Variants in SUPT3H observed in about 807,000 individuals in gnomAD.
SUPT3H encodes the protein SPT3 homolog, SAGA and STAGA complex component.
Under a neutral mutation model 44.3 loss-of-function variants are expected in SUPT3H, and 44 were observed. That is an observed-to-expected ratio of 0.99 (90% CI 0.78 to 1.28). The LOEUF (loss-of-function observed/expected upper bound fraction) is 1.28. Ranked by LOEUF, SUPT3H falls within the 50% of genes most tolerant of loss-of-function variation. SUPT3H has a pLI of 0.00. For missense variants in SUPT3H, 380 were observed against 387.1 expected (o/e 0.98, Z 0.15); for synonymous variants, 124 against 125.6 (o/e 0.99, Z 0.09).
intron 2 of SUPT3H, among the ~76,000 whole-genome samples, chr6:45,323,789 A>T (rs546575412): frequency 4.1e-4 from 62 of 152,194 alleles, no homozygotes; most frequent in Non-Finnish European, 6.9e-4. Context: ...ATTATAGGAC[A>T]GTTTTACCTA....
At chr6:44,925,210 G>T (rs1008838970) in intron 10 of SUPT3H, among the ~76,000 whole-genome samples, 2 of 152,096 alleles carry the variant, frequency 1.3e-5, no homozygotes, top group African/African-American at 2.4e-5. Flanking sequence ...TGAGAGTCAG[G>T]AGGCTGGATT....
In SUPT3H at chr6:44,940,024, A is replaced by AT. The variant is rs369836316; in HGVS notation, c.802-7262dup. 9.0e-3 allele frequency among the ~76,000 whole-genome samples: 1,335 copies of AT among 148,408 alleles called. 24 individuals carry two copies. The highest frequency in any genetic ancestry group is 0.031 in the African/African-American group (1,244 of 40,426). On this transcript the variant is annotated intron_variant, in intron 9 of 10. Transcript: ENST00000371459. ...ACTTTTAATTTCCTTGATCTTTTGT[A>AT]TTTTTTTTTGTCTTTATTTTTATTT...
At chr6:45,158,299 T>TATATATATATATA (rs1491302388) in intron 2 of SUPT3H, among the ~76,000 whole-genome samples, 117 of 13,370 alleles carry the variant, frequency 8.8e-3, no homozygotes, top group African/African-American at 0.026. Flanking sequence ...TATATATATA[T>TATATATATATATA]TTTTTTTTTT....
At chr6:44,883,683 G>A (rs1297744670) in intron 10 of SUPT3H, among the ~76,000 whole-genome samples, 1 of 152,086 alleles carries the variant, frequency 6.6e-6, no homozygotes, top group African/African-American at 2.4e-5. Flanking sequence ...ACAGACCAAT[G>A]GAACAGAACA....
At chr6:44,878,967 G>GGCC (rs1256557885) in intron 10 of SUPT3H, among the ~76,000 whole-genome samples, 1 of 152,072 alleles carries the variant, frequency 6.6e-6, no homozygotes, top group Non-Finnish European at 1.5e-5. Context: ...ACATCACCAG[G>GGCC]GCCCTGGGTT....
At chr6:45,125,386 T>C (rs1456045972) in intron 2 of SUPT3H, among the ~76,000 whole-genome samples, 2 of 152,182 alleles carry the variant, frequency 1.3e-5, no homozygotes, top group African/African-American at 4.8e-5. Flanking sequence ...TCTACAATAC[T>C]TTGAACCAAA....
intron 3 of SUPT3H, among the ~76,000 whole-genome samples, chr6:45,083,322 G>A (rs1232748573): frequency 5.9e-5 from 9 of 151,884 alleles, no homozygotes; most frequent in African/African-American, 2.2e-4. Context: ...CTCCTGAGTA[G>A]CTGGGATTAT....
intron 6 of SUPT3H, among the ~76,000 whole-genome samples, chr6:44,972,224 T>C (rs768854191): frequency 1.3e-5 from 2 of 152,294 alleles, no homozygotes; most frequent in Admixed American, 6.5e-5. Context: ...GGTACAGGCA[T>C]TGGGTAAACA....
intron 2 of SUPT3H, among the ~76,000 whole-genome samples, chr6:45,241,607 T>C (rs1770340876): frequency 6.6e-6 from 1 of 152,186 alleles, no homozygotes; most frequent in Admixed American, 6.5e-5. Flanking sequence ...GTGAGTCCCC[T>C]GATTTCCCAC....
At chr6:45,019,196 C>T (rs1340142498) in intron 4 of SUPT3H, among the ~76,000 whole-genome samples, 5 of 151,796 alleles carry the variant, frequency 3.3e-5, no homozygotes, top group African/African-American at 4.8e-5. Flanking sequence ...TGGTGATATC[C>T]CCTTTATCAT....
chr6:44,921,609 C>T (rs1221109989), intron 10 of SUPT3H, among the ~76,000 whole-genome samples: 1 of 152,042 alleles, frequency 6.6e-6, no homozygotes, highest in African/African-American at 2.4e-5. Context: ...ACACCAAAAC[C>T]CTGCTTGGAT....
intron 2 of SUPT3H, among the ~76,000 whole-genome samples, chr6:45,181,897 A>C (rs1813304730): frequency 6.8e-6 from 1 of 147,060 alleles, no homozygotes; most frequent in South Asian, 2.1e-4. Context: ...ATAAATAAAT[A>C]AATAATAAAA....
intron 2 of SUPT3H, among the ~76,000 whole-genome samples, chr6:45,329,137 A>T (rs1163365269): frequency 2.0e-5 from 3 of 152,014 alleles, no homozygotes; most frequent in Admixed American, 6.6e-5. Context: ...TAATCAAAGC[A>T]TTATAAATTA....
intron 2 of SUPT3H, among the ~76,000 whole-genome samples, chr6:45,172,643 G>A (rs1188453335): frequency 6.7e-6 from 1 of 149,752 alleles, no homozygotes; most frequent in Non-Finnish European, 1.5e-5. Context: ...CCAGGCTGGA[G>A]TGCAGTGGCT....
At chr6:45,178,144 G>A (rs1182380180) in intron 2 of SUPT3H, among the ~76,000 whole-genome samples, 1 of 152,074 alleles carries the variant, frequency 6.6e-6, no homozygotes, top group East Asian at 1.9e-4. Context: ...AAAGAGTCAA[G>A]ACCCATCAGT....
intron 10 of SUPT3H, among the ~76,000 whole-genome samples, chr6:44,840,564 C>T (rs1219976093): frequency 1.3e-5 from 2 of 152,196 alleles, no homozygotes; most frequent in African/African-American, 4.8e-5. Flanking sequence ...ATCCAAGAAA[C>T]TCCTACTCGG....
intron 6 of SUPT3H, among the ~76,000 whole-genome samples, chr6:45,002,467 TA>T (rs1366234131): frequency 6.6e-6 from 1 of 152,056 alleles, no homozygotes; most frequent in Non-Finnish European, 1.5e-5. Context: ...GCCATTTTTA[TA>T]ATATAAAAAT....
At position 44,870,598 on chromosome 6, in the gene SUPT3H, C is replaced by CAA. The variant is rs775096457; in HGVS notation, c.913-40743_913-40742dup. 5.9e-3 allele frequency among the ~76,000 whole-genome samples: 432 copies of CAA among 73,800 alleles called. 3 individuals carry two copies. The highest frequency in any genetic ancestry group is 0.021 in the African/African-American group (350 of 16,342). The allele number at this position is 73,800 out of a possible 152,430, so 48.4% of individuals were successfully genotyped here. On this transcript the variant is annotated intron_variant, in intron 10 of 10. Coordinates refer to ENST00000371459, the MANE Select transcript of SUPT3H (RefSeq NM_003599.4). ...TGGGTGACAGAGTGAGACTCTGTCT[C>CAA]AAAAAAAAAAAAAAAAAGAAAGAAA... is the stretch of plus-strand genomic sequence containing the variant.
At chr6:45,354,835 A>G (rs1356983378) in intron 2 of SUPT3H, among the ~76,000 whole-genome samples, 1 of 152,206 alleles carries the variant, frequency 6.6e-6, no homozygotes, top group African/African-American at 2.4e-5. Flanking sequence ...GTATTTATCA[A>G]CATGGAAAAG....
Sources: allele counts gnomAD v4.1 joint callset (sites outside exome capture counted in the v4.1 genomes callset), GRCh38; gene constraint gnomAD v4.1.1; transcripts MANE v1.5; gene names NCBI Gene and HGNC (gene_info 2026-07-23, HGNC 2026-07-21).